GRM8: variants seen among roughly 807,000 people sequenced by gnomAD.
GRM8 encodes the protein metabotropic glutamate receptor 8.
GRM8 carries 47 observed loss-of-function variants against 87.2 expected under a neutral mutation model. That is an observed-to-expected ratio of 0.54 (90% CI 0.43 to 0.69). GRM8 has a LOEUF of 0.69. Among genes scored for constraint, GRM8 ranks in the 30% least tolerant of loss-of-function variants. The probability of loss-of-function intolerance (pLI) is 0.00; values close to 1 mark genes in which losing one functional copy is unlikely to be tolerated. For synonymous variants in GRM8, 396 were observed against 404.5 expected (o/e 0.98, Z 0.25); for missense variants, 1,019 against 1,139.2 (o/e 0.89, Z 1.52).
At chr7:126,563,620 G>A (rs1793936319) in intron 8 of GRM8, among the ~76,000 whole-genome samples, 1 of 152,204 alleles carries the variant, frequency 6.6e-6, no homozygotes, top group African/African-American at 2.4e-5. Flanking sequence ...AGGGCATCAA[G>A]CTGTGGCTTG....
chr7:126,609,750 C>A (rs1257244291), intron 7 of GRM8, among the ~76,000 whole-genome samples: 1 of 152,110 alleles, frequency 6.6e-6, no homozygotes, highest in African/African-American at 2.4e-5. Context: ...CCAAGTTAAG[C>A]AATGCACATA....
chr7:126,992,823 G>A (rs866926320), intron 3 of GRM8, among the ~76,000 whole-genome samples: 3 of 150,832 alleles, frequency 2.0e-5, no homozygotes, highest in South Asian at 2.1e-4. Context: ...GTGTGTGTGT[G>A]TGTGTATGTG....
chr7:126,689,941 T>C (rs1808624909), intron 7 of GRM8, among the ~76,000 whole-genome samples: 1 of 152,102 alleles, frequency 6.6e-6, no homozygotes, highest in African/African-American at 2.4e-5. Context: ...GTTTAAGCTG[T>C]AAAGTGGGAG....
chr7:126,964,235 C>A (rs1356562316), intron 3 of GRM8, among the ~76,000 whole-genome samples: 1 of 152,124 alleles, frequency 6.6e-6, no homozygotes, highest in African/African-American at 2.4e-5. Context: ...CTAGGCAATA[C>A]CATTGAGGAC....
chr7:126,881,135 T>C (rs2535932), intron 6 of GRM8, among the ~76,000 whole-genome samples: 56,203 of 151,836 alleles, frequency 0.37, 10,835 homozygotes, highest in East Asian at 0.66. Context: ...GAAAAAAAAA[T>C]AGAATTCATC....
At chr7:126,464,631 C>T in intron 9 of GRM8, among the ~76,000 whole-genome samples, 1 of 151,352 alleles carries the variant, frequency 6.6e-6, no homozygotes, top group East Asian at 1.9e-4. Flanking sequence ...CATTGTTTAT[C>T]TGTTGTATGC....
intron 2 of GRM8, among the ~76,000 whole-genome samples, chr7:127,157,533 T>C (rs987430042): frequency 2.0e-5 from 3 of 152,164 alleles, no homozygotes; most frequent in Admixed American, 6.6e-5. Flanking sequence ...AAAACAAATT[T>C]ATGATATAGT....
intron 8 of GRM8, among the ~76,000 whole-genome samples, chr7:126,563,297 T>TAA (rs59304756): frequency 0.3 from 44,371 of 149,502 alleles, 7,268 homozygotes; most frequent in East Asian, 0.43. Flanking sequence ...GGTTTTTTTT[T>TAA]AAAAAAAAAA....
chr7:127,193,000 C>T (rs566163469), intron 2 of GRM8, among the ~76,000 whole-genome samples: 5 of 152,138 alleles, frequency 3.3e-5, no homozygotes, highest in South Asian at 2.1e-4. Flanking sequence ...AAAGTCAGTG[C>T]GATCTCCAGA....
At chr7:126,594,284 C>T (rs1427087769) in intron 8 of GRM8, among the ~76,000 whole-genome samples, 1 of 151,976 alleles carries the variant, frequency 6.6e-6, no homozygotes, top group African/African-American at 2.4e-5. Flanking sequence ...TATATCTGTG[C>T]TATCATGTTC....
chr7:126,719,888 T>C (rs1355177955), intron 7 of GRM8, among the ~76,000 whole-genome samples: 29 of 151,996 alleles, frequency 1.9e-4, no homozygotes, highest in Non-Finnish European at 3.8e-4. Flanking sequence ...ATTTACTGAT[T>C]TCTATAGCAA....
At chr7:127,117,460 T>C (rs1298285572) in intron 2 of GRM8, among the ~76,000 whole-genome samples, 1 of 152,230 alleles carries the variant, frequency 6.6e-6, no homozygotes, top group African/African-American at 2.4e-5. Flanking sequence ...TTCTTTGATA[T>C]CTTCTTGGAA....
intron 7 of GRM8, among the ~76,000 whole-genome samples, chr7:126,743,414 A>G (rs992188148): frequency 6.6e-6 from 1 of 152,142 alleles, no homozygotes; most frequent in African/African-American, 2.4e-5. Context: ...CACTTTTCAT[A>G]TCATACCCTA....
chr7:127,050,875 T>C (rs1415246879), intron 3 of GRM8, among the ~76,000 whole-genome samples: 1 of 152,186 alleles, frequency 6.6e-6, no homozygotes, highest in Non-Finnish European at 1.5e-5. Context: ...TTAAAGTCCT[T>C]GTCCTGGTTT....
At chr7:126,839,876 C>T (rs1796117171) in intron 6 of GRM8, among the ~76,000 whole-genome samples, 1 of 152,288 alleles carries the variant, frequency 6.6e-6, no homozygotes, top group Non-Finnish European at 1.5e-5. Flanking sequence ...CATGAACCAA[C>T]CACTCCATAT....
intron 6 of GRM8, among the ~76,000 whole-genome samples, chr7:126,778,786 A>C (rs1022753660): frequency 6.6e-6 from 1 of 152,146 alleles, no homozygotes; most frequent in Non-Finnish European, 1.5e-5. Context: ...CCAATATGTT[A>C]CAGTCATTTC....
intron 7 of GRM8, among the ~76,000 whole-genome samples, chr7:126,747,933 T>C (rs1382010813): frequency 1.3e-5 from 2 of 152,030 alleles, no homozygotes; most frequent in African/African-American, 4.8e-5. Context: ...CAAAAACATA[T>C]AGTATGTATT....
intron 3 of GRM8, among the ~76,000 whole-genome samples, chr7:127,035,977 G>C (rs1198869501): frequency 6.6e-6 from 1 of 152,062 alleles, no homozygotes; most frequent in Non-Finnish European, 1.5e-5. Flanking sequence ...CAACATTTGG[G>C]CTTTTAATTA....
At position 126,904,666 on chromosome 7, in the gene GRM8, G is replaced by T. The variant is rs1226926918; in HGVS notation, c.745C>A (p.Gln249Lys). 1 of 1,613,590 alleles carries T rather than the reference G, an allele frequency of 6.2e-7. No individual in the cohort carries two copies. The highest frequency in any genetic ancestry group is 8.5e-7 in the Non-Finnish European group (1 of 1,179,588). Residue 249 changes from glutamine (Q) to lysine (K), a missense_variant, in exon 4 of 11, where the codon CAG becomes AAG. By Grantham distance (53) the Gln-to-Lys change is moderately conservative. Coordinates refer to ENST00000339582, the MANE Select transcript of GRM8 (RefSeq NM_000845.3). ...GGTTCACGTGGGATTTTCTGTGACT[G>T]AGCAATGCAAACACCACCTATTTAA... ...SREIGGVCIA[Q>K]SQKIPREPRP...
Sources: gnomAD v4.1 joint callset for allele counts (sites outside exome capture counted in the v4.1 genomes callset) on GRCh38, gnomAD v4.1.1 for gene constraint, MANE v1.5 for transcripts, NCBI Gene and HGNC (gene_info 2026-07-23, HGNC 2026-07-21) for gene names.